The following ZHX3 variants were observed in gnomAD, a reference collection of about 807,000 sequenced individuals.
ZHX3 encodes the protein zinc fingers and homeoboxes protein 3.
A neutral mutation model predicts 64.5 loss-of-function variants in ZHX3; 20 were observed. That is an observed-to-expected ratio of 0.31 (90% CI 0.22 to 0.45). The LOEUF (loss-of-function observed/expected upper bound fraction) is 0.45. Ranked by LOEUF, ZHX3 falls within the 20% of genes least tolerant of loss-of-function variation. ZHX3 has a pLI of 1.00. For missense variants in ZHX3, 1,041 were observed against 1,195.8 expected (o/e 0.87, Z 1.91); for synonymous variants, 423 against 461.6 (o/e 0.92, Z 1.07).
At position 41,228,989 on chromosome 20, in the gene ZHX3, T is replaced by A. The variant is rs2146371981; in HGVS notation, c.-150-23923A>T. On this transcript the variant is annotated intron_variant, in intron 2 of 3. Transcript: ENST00000683867. The surrounding 1 kb of genome is among the most constrained non-coding windows in gnomAD (Gnocchi z 4.6). ...AAGTATTAACACAGTCACATTGTTG[T>A]ACAACCATCATCACCATCTGCCTCC... Among the ~76,000 whole-genome samples the A allele has an allele frequency of 6.6e-6, 1 of 152,284 alleles. No homozygotes were observed. Among genetic ancestry groups the A allele is most frequent in the East Asian group, 1.9e-4 (1 of 5,186 alleles).
At chr20:41,310,743 A>C (rs1039701637) in intron 1 of ZHX3, among the ~76,000 whole-genome samples, 2 of 151,534 alleles carry the variant, frequency 1.3e-5, no homozygotes, top group African/African-American at 4.8e-5. Flanking sequence ...AAATCCAAAC[A>C]TACGTTGTCA....
chr20:41,299,205 C>A (rs1481417548), intron 1 of ZHX3, among the ~76,000 whole-genome samples: 1 of 152,146 alleles, frequency 6.6e-6, no homozygotes, highest in Non-Finnish European at 1.5e-5. Flanking sequence ...CTTGGGCAGT[C>A]TTATTCCATT....
chr20:41,209,601 T>TC (rs1243634047), intron 2 of ZHX3, among the ~76,000 whole-genome samples: 11 of 152,164 alleles, frequency 7.2e-5, no homozygotes, highest in Non-Finnish European at 1.2e-4. Context: ...GGGAAAGGAT[T>TC]CCCTATTTAA....
At position 41,195,556 on chromosome 20, in the gene ZHX3, C is replaced by T. The variant is rs1023429770; in HGVS notation, c.2860+6501G>A. ...TCAGCCTCCCAAGTAGCTGGGATTACAGGTGCCTGCCACCATGTCCACCTA... is the reference window on the plus strand; with the variant it reads ...TCAGCCTCCCAAGTAGCTGGGATTATAGGTGCCTGCCACCATGTCCACCTA... On this transcript the variant is annotated intron_variant, in intron 3 of 3. Transcript: ENST00000683867. The surrounding 1 kb of genome is among the most constrained non-coding windows in gnomAD (Gnocchi z 4.2). Among the ~76,000 whole-genome samples, 2 of 152,190 alleles carry T rather than the reference C, an allele frequency of 1.3e-5. No homozygotes were observed. Among genetic ancestry groups the T allele is most frequent in the Admixed American group, 6.5e-5 (1 of 15,282 alleles).
Position 41,195,438 on chromosome 20 carries a change from G to A in ZHX3, c.2860+6619C>T, listed in dbSNP as rs1004724328. On this transcript the variant is annotated intron_variant, in intron 3 of 3. Coordinates refer to ENST00000683867, the MANE Select transcript of ZHX3 (RefSeq NM_001384317.1). The surrounding 1 kb of genome is among the most constrained non-coding windows in gnomAD (Gnocchi z 4.2). Reference sequence around the variant, plus strand: ...ACTGAGATTTTTTATTTTTTGAGAAGGAGTTTCGCTCTTGTTGCCCAGGCT... The same window carrying A: ...ACTGAGATTTTTTATTTTTTGAGAAAGAGTTTCGCTCTTGTTGCCCAGGCT... 7.2e-5 allele frequency among the ~76,000 whole-genome samples: 11 copies of A among 152,036 alleles called. No individual in the cohort carries two copies. Among genetic ancestry groups the A allele is most frequent in the Admixed American group, 5.2e-4 (8 of 15,266 alleles).
chr20:41,283,866 G>T (rs751682190), intron 1 of ZHX3, among the ~76,000 whole-genome samples: 7 of 152,134 alleles, frequency 4.6e-5, no homozygotes, highest in Non-Finnish European at 1.0e-4. Flanking sequence ...CTCCTCTTAG[G>T]AACAGTAATG....
At chr20:41,311,615 G>C (rs1220654145) in intron 1 of ZHX3, among the ~76,000 whole-genome samples, 2 of 152,180 alleles carry the variant, frequency 1.3e-5, no homozygotes, top group Non-Finnish European at 2.9e-5. Flanking sequence ...ATTCATATCA[G>C]AAGGCAGTAA....
rs371613858 is a variant in ZHX3, at chr20:41,202,578, C to T, written c.2339G>A (p.Arg780Gln). Residue 780 changes from arginine (R) to glutamine (Q), a missense_variant, in exon 3 of 4, where the codon CGG becomes CAG. Coordinates refer to ENST00000683867, the MANE Select transcript of ZHX3 (RefSeq NM_001384317.1). This position sits in a 1 kb window ranked among gnomAD's most constrained non-coding sequence, Gnocchi z 7.0. The stretch of plus-strand genomic sequence containing the variant: ...CCACTGTGTCTGGACAAAGAGCTGC[C>T]GCAGCAAGTGCCGCTGCTGGGCAGT... ...KKTAQQRHLL[R>Q]QLFVQTQWPS... is the part of the protein sequence containing the mutation. 1.5e-5 allele frequency: 24 copies of T among 1,613,854 alleles called. No homozygotes were observed. In the South Asian group the frequency reaches 2.0e-4, roughly 13 times the overall value.
intron 2 of ZHX3, among the ~76,000 whole-genome samples, chr20:41,248,729 T>A (rs1261381656): frequency 6.6e-6 from 1 of 152,220 alleles, no homozygotes; most frequent in East Asian, 1.9e-4. Flanking sequence ...ATGTGGGCAA[T>A]CGCTTTTGCA....
intron 1 of ZHX3, chr20:41,271,787 T>C (rs1054084634): frequency 2.0e-5 from 3 of 152,232 alleles, no homozygotes; most frequent in African/African-American, 4.8e-5. Context: ...AAAAAATTAA[T>C]GTTTTTCGTT....
intron 1 of ZHX3, among the ~76,000 whole-genome samples, chr20:41,276,912 A>G (rs1321364191): frequency 6.6e-6 from 1 of 152,262 alleles, no homozygotes; most frequent in African/African-American, 2.4e-5. Flanking sequence ...ACAATAGAAT[A>G]CTACTCAGCA....
In ZHX3 at chr20:41,219,534, T is replaced by C. The variant is rs2039795129; in HGVS notation, c.-150-14468A>G. Among the ~76,000 whole-genome samples, 1 of 152,254 alleles carries C rather than the reference T, an allele frequency of 6.6e-6. No individual in the cohort carries two copies. The highest frequency in any genetic ancestry group is 2.1e-4 in the South Asian group (1 of 4,836). ...GAAAGATGTTTGAAATGGTTCCTTG[T>C]AGTAAGCACCAAAAACAACAAAACC... is the stretch of plus-strand genomic sequence containing the variant. On this transcript the variant is annotated intron_variant, in intron 2 of 3. Coordinates refer to ENST00000683867, the MANE Select transcript of ZHX3 (RefSeq NM_001384317.1). The surrounding 1 kb of genome is among the most constrained non-coding windows in gnomAD (Gnocchi z 5.0).
chr20:41,306,317 T>A (rs979480504), intron 1 of ZHX3, among the ~76,000 whole-genome samples: 3 of 152,254 alleles, frequency 2.0e-5, no homozygotes, highest in Non-Finnish European at 4.4e-5. Flanking sequence ...AAAGCTCTTT[T>A]CTACGTGGTC....
chr20:41,297,579 C>T (rs1175652126), intron 1 of ZHX3, among the ~76,000 whole-genome samples: 1 of 152,158 alleles, frequency 6.6e-6, no homozygotes, highest in Admixed American at 6.5e-5. Flanking sequence ...AATGGACTCT[C>T]CAAAACCAAA....
intron 2 of ZHX3, among the ~76,000 whole-genome samples, chr20:41,209,329 G>GA (rs2038977309): frequency 6.6e-6 from 1 of 152,056 alleles, no homozygotes; most frequent in Admixed American, 6.6e-5. Context: ...CACAGAATTG[G>GA]AAAAAACTAC....
intron 2 of ZHX3, among the ~76,000 whole-genome samples, chr20:41,258,543 G>C (rs1173305346): frequency 6.6e-6 from 1 of 152,100 alleles, no homozygotes; most frequent in South Asian, 2.1e-4. Flanking sequence ...ACTTTTAAGA[G>C]TATTAAACAG....
intron 1 of ZHX3, among the ~76,000 whole-genome samples, chr20:41,278,329 G>C (rs1253966665): frequency 1.5e-5 from 2 of 137,806 alleles, no homozygotes; most frequent in Non-Finnish European, 3.2e-5. Context: ...GGGTGACAGA[G>C]AGAGACCCTG....
At chr20:41,216,972 G>A (rs570493998) in intron 2 of ZHX3, among the ~76,000 whole-genome samples, 60 of 152,016 alleles carry the variant, frequency 3.9e-4, no homozygotes, top group African/African-American at 1.3e-3. Flanking sequence ...TGTCATTGAC[G>A]ATTTTGTATA....
At chr20:41,311,936 G>A (rs953020556) in intron 1 of ZHX3, among the ~76,000 whole-genome samples, 6 of 152,236 alleles carry the variant, frequency 3.9e-5, no homozygotes, top group East Asian at 3.8e-4. Context: ...AGCACTGGGT[G>A]CTAGGACTGT....
Sources: gnomAD v4.1 joint callset for allele counts (sites outside exome capture counted in the v4.1 genomes callset) on GRCh38, gnomAD v4.1.1 for gene constraint, Gnocchi (gnomAD v3.1) non-coding constraint, MANE v1.5 for transcripts, NCBI Gene and HGNC (gene_info 2026-07-23, HGNC 2026-07-21) for gene names.